Variants in CIMIP5 observed in about 807,000 individuals in gnomAD.
The protein encoded by CIMIP5 is uncharacterized protein C2orf50.
the CIMIP5 span, chr2:11,144,058 T>C: frequency 3.0e-3 from 4,766 of 1,600,910 alleles, 15 homozygotes; most frequent in Middle Eastern, 4.5e-3. Flanking sequence ...GGACTTCTTC[T>C]TCACAGAAGG....
At chr2:11,138,046 G>A in the CIMIP5 span, among the ~76,000 whole-genome samples, 5 of 152,110 alleles carry the variant, frequency 3.3e-5, no homozygotes, top group East Asian at 1.9e-4. Flanking sequence ...AGGTTTCACC[G>A]TGTTAGCCAG....
chr2:11,152,243 A>AACTGTCAT, the CIMIP5 span, among the ~76,000 whole-genome samples: 4 of 152,236 alleles, frequency 2.6e-5, no homozygotes, highest in Non-Finnish European at 5.9e-5. Context: ...CCTGACCCTA[A>AACTGTCAT]ACTGTCATTT....
chr2:11,142,579 G>A, the CIMIP5 span, among the ~76,000 whole-genome samples: 5 of 152,178 alleles, frequency 3.3e-5, no homozygotes, highest in Non-Finnish European at 5.9e-5. Context: ...GAGCCACCTC[G>A]GCATGGACTT....
chr2:11,142,712 G>GA, the CIMIP5 span, among the ~76,000 whole-genome samples: 1 of 129,394 alleles, frequency 7.7e-6, no homozygotes, highest in East Asian at 2.4e-4. Flanking sequence ...CCACTTGTCA[G>GA]ATTTTTTTTT....
the CIMIP5 span, among the ~76,000 whole-genome samples, chr2:11,139,860 G>T: frequency 3.3e-5 from 5 of 152,004 alleles, no homozygotes; most frequent in African/African-American, 1.2e-4. Flanking sequence ...GCCAAGGTGG[G>T]TGGACCACCT....
the CIMIP5 span, chr2:11,133,333 C>T: frequency 0.015 from 23,568 of 1,561,678 alleles, 202 homozygotes; most frequent in Non-Finnish European, 0.018. Flanking sequence ...CACACTTGCA[C>T]CATGGGGAGC....
the CIMIP5 span, chr2:11,140,481 C>A: frequency 6.5e-7 from 1 of 1,527,286 alleles, no homozygotes; most frequent in Non-Finnish European, 8.9e-7. Context: ...GGAAGGAACT[C>A]ACACAGCCAA....
At chr2:11,152,638 G>A in the CIMIP5 span, among the ~76,000 whole-genome samples, 22,950 of 152,028 alleles carry the variant, frequency 0.15, 2,429 homozygotes, top group Non-Finnish European at 0.21. Flanking sequence ...GGAGGCAGAG[G>A]TCTCTAACAT....
chr2:11,138,671 C>T, the CIMIP5 span, among the ~76,000 whole-genome samples: 1 of 152,190 alleles, frequency 6.6e-6, no homozygotes, highest in East Asian at 1.9e-4. Flanking sequence ...TATACCATCC[C>T]CATGGTACTG....
At chr2:11,137,378 A>G in the CIMIP5 span, among the ~76,000 whole-genome samples, 12 of 150,770 alleles carry the variant, frequency 8.0e-5, no homozygotes, top group South Asian at 2.1e-3. Flanking sequence ...CATCTCAAAA[A>G]AAAACAAAAA....
the CIMIP5 span, among the ~76,000 whole-genome samples, chr2:11,149,259 C>G: frequency 0.013 from 1,974 of 151,454 alleles, 41 homozygotes; most frequent in African/African-American, 0.044. Context: ...CCGTGCTCCC[C>G]TGGTGTGGTT....
chr2:11,142,895 A>AT, the CIMIP5 span, among the ~76,000 whole-genome samples: 1 of 150,734 alleles, frequency 6.6e-6, no homozygotes, highest in Admixed American at 6.6e-5. Context: ...TAATTTTTGT[A>AT]TTTTTTTGTA....
At chr2:11,136,813 T>G in the CIMIP5 span, among the ~76,000 whole-genome samples, 2 of 152,202 alleles carry the variant, frequency 1.3e-5, no homozygotes, top group African/African-American at 4.8e-5. Context: ...CCCAGCGATG[T>G]GAATAAGCTC....
chr2:11,140,678 A>G, the CIMIP5 span: 1 of 620,498 alleles, frequency 1.6e-6, no homozygotes. Flanking sequence ...TGAGTCAAAT[A>G]CACTCTTGTT....
At chr2:11,140,397 A>C in the CIMIP5 span, 2,592 of 580,446 alleles carry the variant, frequency 4.5e-3, 62 homozygotes, top group African/African-American at 0.049. Flanking sequence ...AAAAAAAAAA[A>C]ATTATTTAGT....
chr2:11,140,159 G>A, the CIMIP5 span, among the ~76,000 whole-genome samples: 19 of 150,832 alleles, frequency 1.3e-4, no homozygotes, highest in East Asian at 3.9e-4. Context: ...AGGCCGAGGC[G>A]GGCGGATCAC....
At chr2:11,137,553 T>C in the CIMIP5 span, among the ~76,000 whole-genome samples, 1 of 152,220 alleles carries the variant, frequency 6.6e-6, no homozygotes, top group Non-Finnish European at 1.5e-5. Flanking sequence ...AGGTCCAACC[T>C]ATCTTTAATC....
the CIMIP5 span, among the ~76,000 whole-genome samples, chr2:11,148,049 G>T: frequency 0.15 from 22,815 of 152,050 alleles, 2,398 homozygotes; most frequent in Non-Finnish European, 0.21. Context: ...CCAGGAGACA[G>T]CAGGGCTTCA....
the CIMIP5 span, among the ~76,000 whole-genome samples, chr2:11,147,675 A>G: frequency 6.6e-6 from 1 of 152,364 alleles, no homozygotes; most frequent in South Asian, 2.1e-4. Flanking sequence ...AGAACTGTGC[A>G]GGCACACTGA....
Sources: allele counts gnomAD v4.1 joint callset (sites outside exome capture counted in the v4.1 genomes callset), GRCh38; gene constraint gnomAD v4.1.1; transcripts MANE v1.5; gene names NCBI Gene and HGNC (gene_info 2026-07-23, HGNC 2026-07-21).